ATP10B: variants seen among roughly 807,000 people sequenced by gnomAD.
The protein encoded by ATP10B is ATPase phospholipid transporting 10B (putative).
A neutral mutation model predicts 141.2 loss-of-function variants in ATP10B; 122 were observed. The observed-to-expected ratio is 0.86, with a 90% confidence interval of 0.75 to 1.00. The LOEUF is 1.00. ATP10B is among the 50% of genes least tolerant of loss of function. The pLI, the probability that ATP10B is intolerant of heterozygous loss-of-function variation, is 0.00. For synonymous variants in ATP10B, 685 were observed against 692.0 expected (o/e 0.99, Z 0.16); for missense variants, 1,876 against 1,825.3 (o/e 1.03, Z -0.51).
At chr5:160,844,858 T>G (rs1776022810) in intron 1 of ATP10B, among the ~76,000 whole-genome samples, 1 of 152,130 alleles carries the variant, frequency 6.6e-6, no homozygotes, top group South Asian at 2.1e-4. Context: ...ACTTATGTTA[T>G]AATAACTTAG....
chr5:160,731,638 T>A (rs993616595), intron 2 of ATP10B, among the ~76,000 whole-genome samples: 1 of 152,010 alleles, frequency 6.6e-6, no homozygotes, highest in Admixed American at 6.6e-5. Context: ...AGAGTACGAG[T>A]ACTGGTGGAA....
chr5:160,637,480 A>C (rs1759505971), intron 10 of ATP10B, among the ~76,000 whole-genome samples: 1 of 152,236 alleles, frequency 6.6e-6, no homozygotes, highest in Non-Finnish European at 1.5e-5. Context: ...GACAAATCAC[A>C]TACAGTATGA....
intron 6 of ATP10B, among the ~76,000 whole-genome samples, chr5:160,678,478 G>T (rs1368742497): frequency 6.6e-6 from 1 of 152,144 alleles, no homozygotes; most frequent in African/African-American, 2.4e-5. Context: ...GGTCAATATA[G>T]TGAAACCCCG....
intron 1 of ATP10B, among the ~76,000 whole-genome samples, chr5:160,812,457 G>A (rs1773245008): frequency 6.6e-6 from 1 of 152,164 alleles, no homozygotes; most frequent in African/African-American, 2.4e-5. Context: ...TGACATTTCA[G>A]GGAATTCAAA....
At chr5:160,846,709 T>A (rs1776144250) in intron 1 of ATP10B, among the ~76,000 whole-genome samples, 1 of 152,204 alleles carries the variant, frequency 6.6e-6, no homozygotes, top group Admixed American at 6.5e-5. Flanking sequence ...GTATTTATAA[T>A]TTCACATGGT....
chr5:160,641,571 G>T (rs1194211103), intron 9 of ATP10B, among the ~76,000 whole-genome samples: 1 of 152,182 alleles, frequency 6.6e-6, no homozygotes, highest in Non-Finnish European at 1.5e-5. Flanking sequence ...GAGTCACATT[G>T]TGAACCCAAG....
chr5:160,785,648 T>G lies in ATP10B; in HGVS notation c.-420A>C. ...TATTGTTCTCATCTTTGTGTCCATG[T>G]GTAAGAAATGGTAGTTTCTCATCTT... On this transcript the variant is annotated 5_prime_UTR_variant, in exon 2 of 26. Coordinates refer to ENST00000327245, the MANE Select transcript of ATP10B (RefSeq NM_025153.3). 1 of 1,281,350 alleles carries G rather than the reference T, an allele frequency of 7.8e-7. No homozygotes were observed. Among genetic ancestry groups the G allele is most frequent in the Non-Finnish European group, 1.0e-6 (1 of 981,656 alleles). The allele number at this position is 1,281,350 out of a possible 1,614,324, so 79.4% of individuals were successfully genotyped here. A position where few individuals can be genotyped will look rare whatever the true frequency, so the allele number is the denominator to read the frequency against.
intron 2 of ATP10B, among the ~76,000 whole-genome samples, chr5:160,777,584 A>T (rs17058249): frequency 0.15 from 22,724 of 152,156 alleles, 1,828 homozygotes; most frequent in African/African-American, 0.21. Context: ...GAGAATAATC[A>T]GAGAATCACA....
chr5:160,896,555 G>T, the ATP10B span, among the ~76,000 whole-genome samples: 64 of 152,220 alleles, frequency 4.2e-4, no homozygotes, highest in African/African-American at 1.5e-3. Flanking sequence ...GTAATTATTA[G>T]CCTATTAATC....
At chr5:160,668,298 G>A (rs1762450884) in intron 7 of ATP10B, among the ~76,000 whole-genome samples, 1 of 151,582 alleles carries the variant, frequency 6.6e-6, no homozygotes, top group Non-Finnish European at 1.5e-5. Context: ...TGAGGCTAAG[G>A]TGTCATTCTT....
chr5:160,656,292 T>C (rs1761486738), intron 7 of ATP10B, among the ~76,000 whole-genome samples: 2 of 152,178 alleles, frequency 1.3e-5, no homozygotes, highest in African/African-American at 2.4e-5. Context: ...TGGTTTATAA[T>C]TGTGATGGGA....
At chr5:160,916,063 T>C in the ATP10B span, among the ~76,000 whole-genome samples, 1 of 152,212 alleles carries the variant, frequency 6.6e-6, no homozygotes, top group Non-Finnish European at 1.5e-5. Context: ...CCCTCCTCCA[T>C]GTTCCCACTG....
intron 15 of ATP10B, among the ~76,000 whole-genome samples, chr5:160,619,069 G>T (rs1385443955): frequency 6.6e-6 from 1 of 152,116 alleles, no homozygotes; most frequent in Non-Finnish European, 1.5e-5. Flanking sequence ...AGGTGTTGCT[G>T]GCGCCTTAAG....
chr5:160,917,577 G>A, the ATP10B span, among the ~76,000 whole-genome samples: 1 of 152,058 alleles, frequency 6.6e-6, no homozygotes, highest in Non-Finnish European at 1.5e-5. Flanking sequence ...TGGGGGTGAG[G>A]GCATTGATCA....
chr5:160,716,229 T>C (rs969922210), intron 3 of ATP10B, among the ~76,000 whole-genome samples: 1 of 152,220 alleles, frequency 6.6e-6, no homozygotes, highest in African/African-American at 2.4e-5. Flanking sequence ...GAATATCTAA[T>C]GGCAGTTAAA....
chr5:160,733,947 T>C (rs1252900141), intron 2 of ATP10B, among the ~76,000 whole-genome samples: 16 of 150,684 alleles, frequency 1.1e-4, no homozygotes, highest in African/African-American at 3.2e-4. Flanking sequence ...CTACTAAAAA[T>C]ACAAAAATTA....
chr5:160,650,583 C>T (rs1760663358), intron 7 of ATP10B, among the ~76,000 whole-genome samples: 1 of 152,128 alleles, frequency 6.6e-6, no homozygotes, highest in African/African-American at 2.4e-5. Context: ...TATGATTTGT[C>T]AGGAGACAAG....
At chr5:160,826,199 G>A (rs531870458) in intron 1 of ATP10B, among the ~76,000 whole-genome samples, 6 of 152,096 alleles carry the variant, frequency 3.9e-5, no homozygotes, top group African/African-American at 1.4e-4. Flanking sequence ...TGAGTTGAAT[G>A]GTAGCTCTGC....
the ATP10B span, among the ~76,000 whole-genome samples, chr5:160,863,800 C>G: frequency 6.6e-6 from 1 of 151,886 alleles, no homozygotes; most frequent in South Asian, 2.1e-4. Context: ...AAAGATCATT[C>G]AAGGCTACTA....
Sources: allele counts gnomAD v4.1 joint callset (sites outside exome capture counted in the v4.1 genomes callset), GRCh38; gene constraint gnomAD v4.1.1; transcripts MANE v1.5; gene names NCBI Gene and HGNC (gene_info 2026-07-23, HGNC 2026-07-21).